PTPRD: variants seen among roughly 807,000 people sequenced by gnomAD.
PTPRD encodes the protein receptor-type tyrosine-protein phosphatase delta.
In PTPRD, 34 loss-of-function variants were observed where a neutral mutation model predicts 214.5. The ratio of observed to expected loss-of-function variants is 0.16; its 90% confidence interval spans 0.12 to 0.21. The LOEUF (loss-of-function observed/expected upper bound fraction) is 0.21, where lower values mean the gene tolerates loss of function less well. Among genes scored for constraint, PTPRD ranks in the 10% least tolerant of loss-of-function variants. PTPRD has a pLI of 1.00. For missense variants in PTPRD, 2,545 were observed against 2,398.7 expected, an observed-to-expected ratio of 1.06 and a Z score of -1.27; for synonymous variants, 1,128 against 845.7, an observed-to-expected ratio of 1.33 and a Z score of -5.79.
chr9:8,564,311 G>A (rs2087901253), intron 14 of PTPRD, among the ~76,000 whole-genome samples: 2 of 152,092 alleles, frequency 1.3e-5, no homozygotes, highest in Non-Finnish European at 2.9e-5. Flanking sequence ...ATTATGATGG[G>A]TTTATCAAGA....
intron 37 of PTPRD, among the ~76,000 whole-genome samples, chr9:8,383,675 T>C (rs1395682690): frequency 2.0e-5 from 3 of 152,176 alleles, no homozygotes; most frequent in Non-Finnish European, 2.9e-5. Context: ...ACAGCCCACA[T>C]TGGATTACAA....
At chr9:10,083,286 G>C (rs1295602753) in intron 3 of PTPRD, among the ~76,000 whole-genome samples, 4 of 151,876 alleles carry the variant, frequency 2.6e-5, no homozygotes, top group African/African-American at 9.7e-5. Flanking sequence ...TCTCCATTTG[G>C]ATTAGAAGTC....
At chr9:8,447,416 C>T (rs112457192) in intron 34 of PTPRD, among the ~76,000 whole-genome samples, 7 of 152,172 alleles carry the variant, frequency 4.6e-5, no homozygotes, top group African/African-American at 1.7e-4. Context: ...GGTATCTTAC[C>T]TAAAATTTAA....
At chr9:10,491,437 T>C (rs543994185) in intron 2 of PTPRD, among the ~76,000 whole-genome samples, 3 of 152,316 alleles carry the variant, frequency 2.0e-5, no homozygotes, top group African/African-American at 7.2e-5. Context: ...TACTTGTATT[T>C]CTAATAGCAA....
intron 3 of PTPRD, among the ~76,000 whole-genome samples, chr9:10,090,572 T>C (rs2154197879): frequency 6.6e-6 from 1 of 150,870 alleles, no homozygotes; most frequent in South Asian, 2.1e-4. Flanking sequence ...TTTTAATGTA[T>C]TTTATGGTAA....
chr9:8,893,217 A>G (rs1361209213), intron 11 of PTPRD, among the ~76,000 whole-genome samples: 2 of 152,208 alleles, frequency 1.3e-5, no homozygotes, highest in African/African-American at 4.8e-5. Flanking sequence ...AGGTTAAAAC[A>G]GAAGCATGTT....
rs1001698630 is a variant in PTPRD at position 9,164,885 on chromosome 9, C to G, written c.-143+18419G>C. On this transcript the variant is annotated intron_variant, in intron 10 of 45. Transcript: ENST00000381196. ...CAAAACAAAACAAAACAAAACAAAA[C>G]AAACAAACCAACCAGAAATTAGCCG... Among the ~76,000 whole-genome samples the G allele has an allele frequency of 7.3e-5, 10 of 136,626 alleles. No homozygotes were observed. In the Admixed American group the frequency reaches 7.4e-4, roughly 10 times the overall value. 89.6% of individuals were successfully genotyped at this position (136,626 alleles called of 152,430 possible). A position where few individuals can be genotyped will look rare whatever the true frequency, so the allele number is the denominator to read the frequency against.
chr9:9,074,877 T>G (rs866088216), intron 10 of PTPRD, among the ~76,000 whole-genome samples: 3 of 151,724 alleles, frequency 2.0e-5, no homozygotes, highest in African/African-American at 7.3e-5. Flanking sequence ...GGAAAAGAAA[T>G]TACAATTTAG....
intron 14 of PTPRD, among the ~76,000 whole-genome samples, chr9:8,558,481 G>C (rs2084867284): frequency 6.6e-6 from 1 of 152,068 alleles, no homozygotes; most frequent in Non-Finnish European, 1.5e-5. Flanking sequence ...TCCCCATATA[G>C]CACCTCCCAG....
chr9:8,655,105 A>C (rs1289237736), intron 12 of PTPRD, among the ~76,000 whole-genome samples: 1 of 152,224 alleles, frequency 6.6e-6, no homozygotes, highest in East Asian at 1.9e-4. Context: ...AATAGTTAAA[A>C]AAATAGGAAA....
chr9:10,269,136 G>A (rs769303825), intron 3 of PTPRD, among the ~76,000 whole-genome samples: 19 of 152,110 alleles, frequency 1.2e-4, no homozygotes, highest in Admixed American at 2.6e-4. Flanking sequence ...CAAGCTTACT[G>A]CTGCCAGCCC....
At chr9:9,591,811 G>A (rs2092757675) in intron 7 of PTPRD, among the ~76,000 whole-genome samples, 1 of 151,920 alleles carries the variant, frequency 6.6e-6, no homozygotes, top group Non-Finnish European at 1.5e-5. Context: ...ATTTCTTTGT[G>A]GTGAGGGCAT....
chr9:8,778,220 T>C (rs1223598067), intron 11 of PTPRD, among the ~76,000 whole-genome samples: 6 of 152,230 alleles, frequency 3.9e-5, no homozygotes, highest in Non-Finnish European at 7.3e-5. Context: ...TTTAAACTGA[T>C]TGGCAAATTA....
intron 2 of PTPRD, among the ~76,000 whole-genome samples, chr9:10,531,493 GAAGT>G (rs2056303588): frequency 6.6e-6 from 1 of 152,138 alleles, no homozygotes; most frequent in Non-Finnish European, 1.5e-5. Flanking sequence ...ATTAAATAAT[GAAGT>G]AATATATAAA....
chr9:10,093,810 T>C (rs936755959), intron 3 of PTPRD, among the ~76,000 whole-genome samples: 5 of 151,386 alleles, frequency 3.3e-5, no homozygotes, highest in Non-Finnish European at 7.4e-5. Flanking sequence ...CTGGAGACCA[T>C]TACCATAAGC....
At chr9:9,135,277 T>C (rs1420177795) in intron 10 of PTPRD, among the ~76,000 whole-genome samples, 2 of 152,246 alleles carry the variant, frequency 1.3e-5, no homozygotes, top group African/African-American at 4.8e-5. Flanking sequence ...TATGATACTT[T>C]GTACATAGTA....
intron 10 of PTPRD, among the ~76,000 whole-genome samples, chr9:9,093,026 C>T (rs1483097358): frequency 6.6e-6 from 1 of 151,712 alleles, no homozygotes; most frequent in East Asian, 1.9e-4. Context: ...ATGCAAACAC[C>T]AATCAAAAAA....
intron 9 of PTPRD, among the ~76,000 whole-genome samples, chr9:9,387,931 T>A (rs1403701058): frequency 1.3e-5 from 2 of 152,176 alleles, no homozygotes; most frequent in African/African-American, 4.8e-5. Flanking sequence ...CTCTTTTAGT[T>A]TCCCACCTAT....
intron 7 of PTPRD, among the ~76,000 whole-genome samples, chr9:9,661,505 T>G (rs1322847632): frequency 6.6e-6 from 1 of 151,866 alleles, no homozygotes; most frequent in African/African-American, 2.4e-5. Flanking sequence ...CATTTAACAA[T>G]TATGCTAAAC....
Sources: gnomAD v4.1 joint callset for allele counts (sites outside exome capture counted in the v4.1 genomes callset) on GRCh38, gnomAD v4.1.1 for gene constraint, MANE v1.5 for transcripts, NCBI Gene and HGNC (gene_info 2026-07-23, HGNC 2026-07-21) for gene names.